Variants in METTL4 observed in about 807,000 individuals in gnomAD.
METTL4 encodes methyltransferase 4, N6-adenosine, also known as N(6)-adenine-specific methyltransferase METTL4.
A neutral mutation model predicts 54.0 loss-of-function variants in METTL4; 40 were observed. That is an observed-to-expected ratio of 0.74 (90% CI 0.58 to 0.96). The LOEUF (loss-of-function observed/expected upper bound fraction) is 0.96, where lower values mean the gene tolerates loss of function less well. METTL4 is among the 50% of genes least tolerant of loss of function. The pLI, the probability that METTL4 is intolerant of heterozygous loss-of-function variation, is 0.00. For synonymous variants in METTL4, 169 were observed against 183.8 expected (o/e 0.92, Z 0.65); for missense variants, 525 against 549.0 (o/e 0.96, Z 0.44).
chr18:2,550,891 G>A (rs567274749), intron 5 of METTL4, among the ~76,000 whole-genome samples: 18 of 152,200 alleles, frequency 1.2e-4, no homozygotes, highest in South Asian at 4.1e-4. Flanking sequence ...TCAGCCGGGC[G>A]CGGTGGCTCA....
At position 2,567,338 on chromosome 18, in the gene METTL4, G is replaced by A; in HGVS notation, c.-122C>T. 1 of 805,446 alleles carries A rather than the reference G, an allele frequency of 1.2e-6. No individual in the cohort carries two copies. The highest frequency in any genetic ancestry group is 1.9e-6 in the Non-Finnish European group (1 of 536,554). The allele number at this position is 805,446 out of a possible 1,614,324, so 49.9% of individuals were successfully genotyped here. On this transcript the variant is annotated 5_prime_UTR_variant, in exon 2 of 9. An upstream open reading frame in the 5' UTR gains an earlier in-frame stop. Transcript: ENST00000574538. ...ACACTTCATACACACAGATAGATTT[G>A]ATATACAAGTACAAAAACCTGACAT...
intron 3 of METTL4, among the ~76,000 whole-genome samples, chr18:2,562,557 T>C (rs748719766): frequency 6.6e-6 from 1 of 152,134 alleles, no homozygotes; most frequent in Non-Finnish European, 1.5e-5. Context: ...ATAAACAAAA[T>C]GTAGTATATA....
chr18:2,547,869 C>T (rs1048599304), intron 5 of METTL4, among the ~76,000 whole-genome samples: 1 of 152,148 alleles, frequency 6.6e-6, no homozygotes. Context: ...CTACGTTACA[C>T]AGGAGCCCTG....
At chr18:2,556,940 G>C (rs560989662) in intron 3 of METTL4, among the ~76,000 whole-genome samples, 42 of 152,260 alleles carry the variant, frequency 2.8e-4, no homozygotes, top group African/African-American at 9.1e-4. Context: ...TCAAAGCAGT[G>C]AGAGACTTCC....
intron 8 of METTL4, among the ~76,000 whole-genome samples, chr18:2,543,548 G>T (rs902397563): frequency 2.0e-5 from 3 of 151,994 alleles, no homozygotes; most frequent in African/African-American, 7.3e-5. Context: ...TTTAAATGAG[G>T]ACTTTGATAC....
chr18:2,547,738 C>T (rs528545877), intron 5 of METTL4, among the ~76,000 whole-genome samples: 14 of 130,424 alleles, frequency 1.1e-4, no homozygotes, highest in Non-Finnish European at 1.9e-4. Flanking sequence ...AGTTTAAAAT[C>T]GTCAGGCTGT....
intron 2 of METTL4, 189 bp downstream of exon 2, chr18:2,566,632 G>T: frequency 1.2e-5 from 4 of 334,718 alleles, no homozygotes; most frequent in East Asian, 5.0e-5. Context: ...GAAATACTAT[G>T]CAATTTGGTC....
Position 2,566,826 on chromosome 18 carries a change from C to A in METTL4, c.391G>T (p.Gly131Trp). 1 of 1,553,022 alleles carries A rather than the reference C, an allele frequency of 6.4e-7. No individual in the cohort carries two copies. The highest frequency in any genetic ancestry group is 1.2e-5 in the South Asian group (1 of 82,526). The change falls in exon 2 of 9, where the codon GGG (glycine) becomes TGG (tryptophan). Residue 131 changes from glycine (G) to tryptophan (W), a missense_variant. Gly to Trp is a radical substitution (Grantham distance 184). Coordinates refer to ENST00000574538, the MANE Select transcript of METTL4 (RefSeq NM_022840.5). ...TATTTCTTAAAACTTTCTACCTTCC[C>A]AATAATAGAAATGGAGATTTCTTTT... Reference protein sequence around the residue: ...VKKEISISIIGKKRKRCVVFN... With the variant: ...VKKEISISIIWKKRKRCVVFN...
At position 2,538,076 on chromosome 18, in the gene METTL4, TA is replaced by T. The variant is rs200681387; in HGVS notation, c.*923del. On this transcript the variant is annotated 3_prime_UTR_variant, in exon 9 of 9. Transcript: ENST00000574538. ...TTTGTGAAAATTATACCTCAATTTT[TA>T]AAAAGTCAATACATAATAAATCAAT... The T allele has an allele frequency of 0.012, 4,721 of 396,732 alleles. 124 individuals are homozygous for T. Among genetic ancestry groups the T allele is most frequent in the East Asian group, 0.071 (1,994 of 27,948 alleles). 24.6% of individuals were successfully genotyped at this position (396,732 alleles called of 1,614,324 possible).
chr18:2,554,983 C>G lies in METTL4; in HGVS notation c.515G>C (p.Ser172Thr). 6.2e-7 allele frequency: 1 copy of G among 1,614,042 alleles called. No individual in the cohort carries two copies. Among genetic ancestry groups the G allele is most frequent in the Non-Finnish European group, 8.5e-7 (1 of 1,179,930 alleles). ...SLQLIQEGLK[S>T]GFLYPLFEKQ... ...TTCAAAAAGTGGATAAAGAAAACCA[C>G]TTTTGAGACCTTCCTGGATCAACTG... The change falls in exon 4 of 9, where the codon AGT becomes ACT. Residue 172 changes from serine (S) to threonine (T), a missense_variant. Transcript: ENST00000574538.
At chr18:2,564,018 T>C (rs1396947520) in intron 2 of METTL4, among the ~76,000 whole-genome samples, 159 bp from the exon 3 acceptor site, 1 of 152,056 alleles carries the variant, frequency 6.6e-6, no homozygotes, top group Non-Finnish European at 1.5e-5. Flanking sequence ...GGGTATGGAG[T>C]GAGGAGGTAA....
At chr18:2,548,084 C>T (rs917921828) in intron 5 of METTL4, among the ~76,000 whole-genome samples, 3 of 152,182 alleles carry the variant, frequency 2.0e-5, no homozygotes, top group Non-Finnish European at 4.4e-5. Flanking sequence ...ATCTCCACCC[C>T]ACTGCATTTG....
At chr18:2,555,825 T>TTGGA (rs2072231146) in intron 3 of METTL4, among the ~76,000 whole-genome samples, 1 of 150,302 alleles carries the variant, frequency 6.7e-6, no homozygotes, top group Admixed American at 6.6e-5. Context: ...GGTTGGTTGG[T>TTGGA]TGGATGGTTG....
intron 3 of METTL4, among the ~76,000 whole-genome samples, chr18:2,555,908 C>G (rs28737365): frequency 0.1 from 15,615 of 151,610 alleles, 1,427 homozygotes; most frequent in African/African-American, 0.25. Context: ...CCCTAAACAG[C>G]AAAAACAAAG....
intron 2 of METTL4, among the ~76,000 whole-genome samples, chr18:2,564,245 T>TAC (rs1215355415): frequency 2.1e-5 from 2 of 95,232 alleles, no homozygotes; most frequent in Non-Finnish European, 4.7e-5. Context: ...CTACTAAAAA[T>TAC]ACAAAAAAAA....
chr18:2,555,803 T>TGTTGGTTGGTTG (rs35864755), intron 3 of METTL4, among the ~76,000 whole-genome samples: 7 of 151,428 alleles, frequency 4.6e-5, no homozygotes, highest in African/African-American at 1.5e-4. Context: ...TTGTTTGTTT[T>TGTTGGTTGGTTG]GTTGGTTGGT....
chr18:2,570,442 C>T (rs763010085), intron 1 of METTL4, among the ~76,000 whole-genome samples: 1 of 152,150 alleles, frequency 6.6e-6, no homozygotes, highest in Non-Finnish European at 1.5e-5. Context: ...TGTAAAACCA[C>T]CTTTGGAAGC....
At position 2,556,856 on chromosome 18, in the gene METTL4, G is replaced by A. The variant is rs138733973; in HGVS notation, c.460-1818C>T. ...GTGGGGGTCAGGGGAGGAGGAAGAA[G>A]AGGAGGAGGAGGAATCCGCACTATG... On this transcript the variant is annotated intron_variant, in intron 3 of 8. Coordinates refer to ENST00000574538, the MANE Select transcript of METTL4 (RefSeq NM_022840.5). Among the ~76,000 whole-genome samples the A allele has an allele frequency of 3.9e-3, 600 of 152,234 alleles. 4 individuals carry two copies. The highest frequency in any genetic ancestry group is 0.014 in the African/African-American group (568 of 41,554).
intron 5 of METTL4, among the ~76,000 whole-genome samples, chr18:2,549,032 A>G (rs1180446302): frequency 6.6e-6 from 1 of 152,096 alleles, no homozygotes; most frequent in East Asian, 1.9e-4. Flanking sequence ...AACCCTCACC[A>G]CTCTTCAGAT....
Sources: allele counts gnomAD v4.1 joint callset (sites outside exome capture counted in the v4.1 genomes callset), GRCh38; gene constraint gnomAD v4.1.1; transcripts MANE v1.5; gene names NCBI Gene and HGNC (gene_info 2026-07-23, HGNC 2026-07-21).